Variants in DST observed in about 807,000 individuals in gnomAD.
The protein encoded by DST is bullous pemphigoid antigen.
A neutral mutation model predicts 875.2 loss-of-function variants in DST; 253 were observed. That is an observed-to-expected ratio of 0.29 (90% CI 0.26 to 0.32). DST has a LOEUF of 0.32. Among genes scored for constraint, DST ranks in the 10% least tolerant of loss-of-function variants. DST has a pLI of 1.00. For missense variants in DST, 8,287 were observed against 9,111.6 expected, an observed-to-expected ratio of 0.91 and a Z score of 3.68; for synonymous variants, 3,124 against 3,197.1, an observed-to-expected ratio of 0.98 and a Z score of 0.77.
chr6:56,722,364 G>GTTATTTATTTATTTA (rs1554672010), intron 5 of DST, among the ~76,000 whole-genome samples: 4 of 137,114 alleles, frequency 2.9e-5, no homozygotes, highest in African/African-American at 1.4e-4. Flanking sequence ...AGTAGTACAT[G>GTTATTTATTTATTTA]TTTGTTTATT....
Position 56,725,923 on chromosome 6 carries a change from G to GT in DST, c.687+9304dup, listed in dbSNP as rs35751998. Among the ~76,000 whole-genome samples, 949 of 148,622 alleles carry GT rather than the reference G, an allele frequency of 6.4e-3. 34 individuals carry two copies. The highest frequency in any genetic ancestry group is 0.057 in the Admixed American group (850 of 14,900). ...TAAACCTAGTGGATTTTCCAGGAGA[G>GT]TTTTTTTTTTAATCACAAACAAGAT... On this transcript the variant is annotated intron_variant, in intron 5 of 103. Coordinates refer to ENST00000680361, the MANE Select transcript of DST (RefSeq NM_001374736.1).
intron 4 of DST, among the ~76,000 whole-genome samples, chr6:56,770,330 G>A (rs949454581): frequency 4.6e-5 from 7 of 152,104 alleles, no homozygotes; most frequent in African/African-American, 1.7e-4. Flanking sequence ...TTGGTGTTAC[G>A]CCATAAAGTA....
chr6:56,592,135 CTT>C, intron 49 of DST, 45 bp downstream of exon 49: 1 of 1,542,864 alleles, frequency 6.5e-7, no homozygotes, highest in Non-Finnish European at 8.9e-7. Context: ...AATTGGAAGC[CTT>C]TCAGTAAGAC....
At chr6:56,647,688 G>GTTGTTTTTTTTTTTTTT (rs1491402943) in intron 13 of DST, among the ~76,000 whole-genome samples, 9 of 126,900 alleles carry the variant, frequency 7.1e-5, no homozygotes, top group African/African-American at 2.9e-4. Flanking sequence ...TTTTTGTAAT[G>GTTGTTTTTTTTTTTTTT]TTTTTTTTTT....
At chr6:56,582,509 T>C (rs2098026615) in intron 49 of DST, among the ~76,000 whole-genome samples, 1 of 149,772 alleles carries the variant, frequency 6.7e-6, no homozygotes, top group Admixed American at 6.7e-5. Context: ...AGAAGCTGAG[T>C]GATGTCAGTG....
intron 9 of DST, among the ~76,000 whole-genome samples, chr6:56,680,126 T>G (rs2099150248): frequency 6.6e-6 from 1 of 152,202 alleles, no homozygotes; most frequent in South Asian, 2.1e-4. Flanking sequence ...TCTCCCATTC[T>G]CTTCTTAGGA....
Position 56,600,329 on chromosome 6 carries a change from T to C in DST, c.11542-108A>G, listed in dbSNP as rs956536847. 12 of 1,050,484 alleles carry C rather than the reference T, an allele frequency of 1.1e-5. No homozygotes were observed. In the African/African-American group the frequency reaches 1.4e-4, roughly 13 times the overall value. 65.1% of individuals were successfully genotyped at this position (1,050,484 alleles called of 1,614,324 possible). On this transcript the variant is annotated intron_variant, in intron 44 of 103. Coordinates refer to ENST00000680361, the MANE Select transcript of DST (RefSeq NM_001374736.1). ...TTTCCAAGTTTTGTCTAATAAGCTT[T>C]TATAAGTATGCTGTAAACATGATAG... is the stretch of plus-strand genomic sequence containing the variant.
At chr6:56,829,981 A>AT (rs144597063) in intron 4 of DST, among the ~76,000 whole-genome samples, 5,542 of 152,214 alleles carry the variant, frequency 0.036, 310 homozygotes, top group African/African-American at 0.13. Flanking sequence ...ATTCATAGTG[A>AT]TTAGAATTTC....
intron 3 of DST, 58 bp from the exon 4 acceptor site, chr6:56,851,662 AT>A: frequency 6.3e-7 from 1 of 1,575,186 alleles, no homozygotes; most frequent in Non-Finnish European, 8.6e-7. Context: ...ATGCTCAATG[AT>A]TTAAACATCT....
In DST at chr6:56,572,406, A is replaced by C. The variant is rs1235724261; in HGVS notation, c.13555-140T>G. The C allele has an allele frequency of 9.2e-6, 5 of 545,174 alleles. No homozygotes were observed. In the African/African-American group the frequency reaches 9.7e-5, roughly 11 times the overall value. 33.8% of individuals were successfully genotyped at this position (545,174 alleles called of 1,614,324 possible). On this transcript the variant is annotated intron_variant, in intron 52 of 103. Coordinates refer to ENST00000680361, the MANE Select transcript of DST (RefSeq NM_001374736.1). ...TGAGTCTGCCTATGGCCAGTATTCT[A>C]AATATAATAAACATGCATATAGGCT...
At chr6:56,824,804 G>C in intron 4 of DST, among the ~76,000 whole-genome samples, 1 of 151,846 alleles carries the variant, frequency 6.6e-6, no homozygotes, top group South Asian at 2.1e-4. Flanking sequence ...GAGCCCCTCC[G>C]TCCGGCAGCC....
chr6:56,799,859 AGTG>A (rs1389374921), intron 4 of DST, among the ~76,000 whole-genome samples: 2 of 152,170 alleles, frequency 1.3e-5, no homozygotes, highest in East Asian at 3.9e-4. Flanking sequence ...TCTGACTTCA[AGTG>A]ATCCACCCCA....
chr6:56,479,875 AT>A (rs1481254795), intron 90 of DST, among the ~76,000 whole-genome samples: 1 of 152,178 alleles, frequency 6.6e-6, no homozygotes, highest in Non-Finnish European at 1.5e-5. Flanking sequence ...AGTCCCTACT[AT>A]TACTCAATAT....
intron 5 of DST, among the ~76,000 whole-genome samples, chr6:56,730,777 A>G (rs2099494411): frequency 6.6e-6 from 1 of 152,234 alleles, no homozygotes; most frequent in Admixed American, 6.5e-5. Context: ...TGTTAACTGC[A>G]CTTTATTCTT....
At position 56,577,068 on chromosome 6, in the gene DST, T is replaced by G. The variant is rs996550847; in HGVS notation, c.13027+1746A>C. On this transcript the variant is annotated intron_variant, in intron 50 of 103. Coordinates refer to ENST00000680361, the MANE Select transcript of DST (RefSeq NM_001374736.1). ...ATCTACTGTAAGAATGTTATTTTTT[T>G]AAATCATTGGTTTTCTTAGAAGTCA... Among the ~76,000 whole-genome samples the G allele has an allele frequency of 4.6e-5, 7 of 152,218 alleles. No homozygotes were observed. The East Asian group carries it at 9.6e-4, about 21-fold the overall frequency.
At chr6:56,559,735 G>T (rs1036161235) in intron 58 of DST, among the ~76,000 whole-genome samples, 18 of 152,048 alleles carry the variant, frequency 1.2e-4, no homozygotes, top group African/African-American at 4.3e-4. Context: ...TAAGACAATA[G>T]GGCTTGTAAA....
At chr6:56,472,001 G>C (rs778865092) in intron 94 of DST, 58 bp downstream of exon 94, 6 of 1,552,898 alleles carry the variant, frequency 3.9e-6, no homozygotes, top group South Asian at 1.1e-5. Flanking sequence ...CAATGGCAAT[G>C]TGTTATGAGG....
chr6:56,924,928 T>C (rs1365531022), intron 2 of DST, among the ~76,000 whole-genome samples: 1 of 152,100 alleles, frequency 6.6e-6, no homozygotes, highest in East Asian at 1.9e-4. Flanking sequence ...TAGGCTTAAT[T>C]AGAGGCCACT....
At chr6:56,615,403 T>C (rs1403438321) in intron 36 of DST, 13 of 1,554,528 alleles carry the variant, frequency 8.4e-6, no homozygotes, top group African/African-American at 4.1e-5. Flanking sequence ...CCTCAAGAAA[T>C]AGAGTATGTT....
Sources: allele counts gnomAD v4.1 joint callset (sites outside exome capture counted in the v4.1 genomes callset), GRCh38; gene constraint gnomAD v4.1.1; transcripts MANE v1.5; gene names NCBI Gene and HGNC (gene_info 2026-07-23, HGNC 2026-07-21).